The following ADCK5 variants were observed in gnomAD, a reference collection of about 807,000 sequenced individuals.
The protein encoded by ADCK5 is uncharacterized aarF domain-containing protein kinase 5.
Under a neutral mutation model 64.9 loss-of-function variants are expected in ADCK5, and 43 were observed. That is an observed-to-expected ratio of 0.66 (90% confidence interval 0.52 to 0.85). The LOEUF is 0.85. ADCK5 is among the 40% of genes least tolerant of loss of function. The pLI, the probability that ADCK5 is intolerant of heterozygous loss-of-function variation, is 0.00. For synonymous variants in ADCK5, 434 were observed against 342.8 expected, an observed-to-expected ratio of 1.27 and a Z score of -2.94; for missense variants, 760 against 810.5, an observed-to-expected ratio of 0.94 and a Z score of 0.76.
At position 144,392,662 on chromosome 8, in the gene ADCK5, C is replaced by T. The variant is rs901452641; in HGVS notation, c.1485C>T (p.Gly495=). ...NTVRAINVAL[G]APVDRYFLMA... ...TGCGCGCTATCAACGTGGCCCTCGG[C>T]GCCCCCGTGGACCGCTACTTCCTTA... Residue 495 remains glycine, a synonymous_variant, in exon 13 of 15, where the codon GGC becomes GGT. Transcript: ENST00000308860. The T allele has an allele frequency of 8.8e-6, 14 of 1,594,214 alleles. No homozygotes were observed. The highest frequency in any genetic ancestry group is 3.5e-4 in the Middle Eastern group (2 of 5,786).
intron 3 of ADCK5, among the ~76,000 whole-genome samples, chr8:144,385,375 GGTTTCGTCAT>G (rs1819871627): frequency 6.6e-6 from 1 of 151,562 alleles, no homozygotes. Flanking sequence ...GTAGAGACAG[GGTTTCGTCAT>G]GTTGGACAGG....
At chr8:144,387,107 T>C (rs1819956608) in intron 3 of ADCK5, among the ~76,000 whole-genome samples, 1 of 152,264 alleles carries the variant, frequency 6.6e-6, no homozygotes, top group East Asian at 1.9e-4. Context: ...GACCACTTGG[T>C]GCACAGTTGC....
Position 144,391,560 on chromosome 8 carries a change from A to T in ADCK5, c.799-20A>T. 2 of 1,583,770 alleles carry T rather than the reference A, an allele frequency of 1.3e-6. No homozygotes were observed. The highest frequency in any genetic ancestry group is 1.8e-5 in the Admixed American group (1 of 56,434). On this transcript the variant is annotated intron_variant, in intron 7 of 14. Coordinates refer to ENST00000308860, the MANE Select transcript of ADCK5 (RefSeq NM_174922.5). Reference sequence around the variant, plus strand: ...CAGCTGGTAGGCAGAGCTGGTCTTCAACCGCCATCTGGCCCCCAGGACCTG... The same window carrying T: ...CAGCTGGTAGGCAGAGCTGGTCTTCTACCGCCATCTGGCCCCCAGGACCTG...
At chr8:144,381,750 G>T (rs1456454040) in intron 2 of ADCK5, among the ~76,000 whole-genome samples, 1 of 144,350 alleles carries the variant, frequency 6.9e-6, no homozygotes, top group Admixed American at 6.8e-5. Context: ...TATGGGCCGG[G>T]TGCAGAAACA....
At chr8:144,380,123 C>T (rs147135553) in intron 2 of ADCK5, among the ~76,000 whole-genome samples, 91 of 152,298 alleles carry the variant, frequency 6.0e-4, no homozygotes, top group African/African-American at 1.9e-3. Flanking sequence ...CAGGCGCCTG[C>T]GGCTGGGTGC....
chr8:144,374,129 G>A, intron 1 of ADCK5, 22 bp downstream of exon 1: 2 of 1,248,538 alleles, frequency 1.6e-6, no homozygotes, highest in Non-Finnish European at 2.0e-6. Flanking sequence ...CCCGGCCCGG[G>A]GCGCCCGAGA....
intron 1 of ADCK5, 32 bp from the exon 2 acceptor site, chr8:144,379,355 G>C: frequency 6.5e-7 from 1 of 1,547,496 alleles, no homozygotes; most frequent in African/African-American, 1.4e-5. Context: ...TCCTGGCCTC[G>C]TTCGACCCCA....
intron 3 of ADCK5, 27 bp downstream of exon 3, chr8:144,383,257 G>T (rs782601775): frequency 6.5e-7 from 1 of 1,541,032 alleles, no homozygotes; most frequent in Non-Finnish European, 8.8e-7. Context: ...GCAGGCAGGG[G>T]TTGCGGCGTG....
intron 2 of ADCK5, among the ~76,000 whole-genome samples, chr8:144,381,640 G>A (rs1180212654): frequency 2.7e-4 from 39 of 146,176 alleles, no homozygotes; most frequent in African/African-American, 9.9e-4. Context: ...ATTATGGGCC[G>A]GGTGTAGAAA....
chr8:144,381,261 T>C (rs2116847082), intron 2 of ADCK5, among the ~76,000 whole-genome samples: 1,484 of 90,312 alleles, frequency 0.016, 31 homozygotes, highest in African/African-American at 0.024. Context: ...GATTATGGGC[T>C]GGGTGTAGAA....
Position 144,391,988 on chromosome 8 carries a change from C to T in ADCK5, c.1062C>T (p.Thr354=), listed in dbSNP as rs782303697. ...CCTTTGCTGAGCAGATATTTTACAC[C>T]GGCTTCATCCACTCGGACCCACATC... ...IKAFAEQIFY[T]GFIHSDPHPG... is the part of the protein sequence containing the mutation. The change falls in exon 10 of 15, where the codon ACC becomes ACT. Residue 354 remains threonine, a synonymous_variant. Coordinates refer to ENST00000308860, the MANE Select transcript of ADCK5 (RefSeq NM_174922.5). The T allele has an allele frequency of 2.0e-5, 32 of 1,612,622 alleles. No homozygotes were observed. The East Asian group carries it at 4.0e-4, about 20-fold the overall frequency.
chr8:144,381,059 G>T (rs1450737842), intron 2 of ADCK5, among the ~76,000 whole-genome samples: 2 of 150,202 alleles, frequency 1.3e-5, no homozygotes, highest in Non-Finnish European at 3.0e-5. Flanking sequence ...TGTAGAAACA[G>T]ATGTGTGCTC....
At chr8:144,373,640 C>G (rs1819242409), upstream of ADCK5, among the ~76,000 whole-genome samples, 1 of 152,204 alleles carries the variant, frequency 6.6e-6, no homozygotes, top group South Asian at 2.1e-4. Flanking sequence ...TCATCTTGGC[C>G]CTCACACAGG....
Position 144,384,103 on chromosome 8 carries a change from C to T in ADCK5, c.266+873C>T, listed in dbSNP as rs894995417. On this transcript the variant is annotated intron_variant, in intron 3 of 14. Coordinates refer to ENST00000308860, the MANE Select transcript of ADCK5 (RefSeq NM_174922.5). The surrounding 1 kb of genome is among the most constrained non-coding windows in gnomAD (Gnocchi z 5.7). ...ATTTATTTAGTATTTTTAGTAGAAA[C>T]GGGGTTTCACTGTGTTAGCCAGGAT... Among the ~76,000 whole-genome samples, 2 of 151,830 alleles carry T rather than the reference C, an allele frequency of 1.3e-5. No individual in the cohort carries two copies. The highest frequency in any genetic ancestry group is 3.9e-4 in the East Asian group (2 of 5,182).
At position 144,392,000 on chromosome 8, in the gene ADCK5, C is replaced by T; in HGVS notation, c.1074C>T (p.His358=). 1 of 1,612,780 alleles carries T rather than the reference C, an allele frequency of 6.2e-7. No homozygotes were observed. ...AGATATTTTACACCGGCTTCATCCACTCGGACCCACATCCTGGCAACGGTA... is the reference window on the plus strand; with the variant it reads ...AGATATTTTACACCGGCTTCATCCATTCGGACCCACATCCTGGCAACGGTA... The part of the protein sequence containing the change: ...AEQIFYTGFI[H]SDPHPGNVLV... Residue 358 remains histidine, a synonymous_variant, in exon 10 of 15, where the codon CAC becomes CAT. Transcript: ENST00000308860.
At chr8:144,388,750 G>A (rs1245741668) in intron 3 of ADCK5, among the ~76,000 whole-genome samples, 7 of 150,910 alleles carry the variant, frequency 4.6e-5, no homozygotes, top group South Asian at 2.1e-4. Flanking sequence ...GCGACAGAGC[G>A]AGACTCCGTC....
At chr8:144,382,630 C>G (rs1819728524) in intron 2 of ADCK5, among the ~76,000 whole-genome samples, 1 of 152,248 alleles carries the variant, frequency 6.6e-6, no homozygotes, top group Admixed American at 6.5e-5. Flanking sequence ...TTGCTCTGTA[C>G]TGTCATGCGA....
At position 144,386,033 on chromosome 8, in the gene ADCK5, C is replaced by G. The variant is rs566388208; in HGVS notation, c.266+2803C>G. Among the ~76,000 whole-genome samples, 32 of 151,656 alleles carry G rather than the reference C, an allele frequency of 2.1e-4. No individual in the cohort carries two copies. In the South Asian group the frequency reaches 6.5e-3, roughly 31 times the overall value. ...CCCTTTTTCTTTTATTTTTTGGAGA[C>G]AGTCTCACTCTGTTGCCCAGGCTGG... On this transcript the variant is annotated intron_variant, in intron 3 of 14. Transcript: ENST00000308860.
intron 1 of ADCK5, 131 bp downstream of exon 1, chr8:144,374,238 C>T: frequency 1.1e-6 from 1 of 892,842 alleles, no homozygotes; most frequent in Non-Finnish European, 1.5e-6. Flanking sequence ...GAGGCAGGGT[C>T]TCGCTCTGTC....
Sources: gnomAD v4.1 joint callset for allele counts (sites outside exome capture counted in the v4.1 genomes callset) on GRCh38, gnomAD v4.1.1 for gene constraint, Gnocchi (gnomAD v3.1) non-coding constraint, MANE v1.5 for transcripts, NCBI Gene and HGNC (gene_info 2026-07-23, HGNC 2026-07-21) for gene names.